The following AP2A1 variants were observed in gnomAD, a reference collection of about 807,000 sequenced individuals.
The protein encoded by AP2A1 is AP-2 complex subunit alpha-1.
In AP2A1, 21 loss-of-function variants were observed where a neutral mutation model predicts 107.3. That is an observed-to-expected ratio of 0.20 (90% CI 0.14 to 0.28). The LOEUF (loss-of-function observed/expected upper bound fraction) is 0.28. Among genes scored for constraint, AP2A1 ranks in the 10% least tolerant of loss-of-function variants. The pLI, the probability that AP2A1 is intolerant of heterozygous loss-of-function variation, is 1.00. For synonymous variants in AP2A1, 602 were observed against 564.8 expected (o/e 1.07, Z -0.93); for missense variants, 873 against 1,307.7 (o/e 0.67, Z 5.13).
At position 49,803,341 on chromosome 19, in the gene AP2A1, C is replaced by T. The variant is rs766267079; in HGVS notation, c.2309C>T (p.Ser770Leu). 4.3e-6 allele frequency: 7 copies of T among 1,613,828 alleles called. No individual in the cohort carries two copies. The East Asian group carries it at 1.6e-4, about 36-fold the overall frequency. ...ACCTCGGTGCAGTTCCAGAATTTCTCACCCACTGTGGTTCACCCGGGAGAC... is the reference window on the plus strand; with the variant it reads ...ACCTCGGTGCAGTTCCAGAATTTCTTACCCACTGTGGTTCACCCGGGAGAC... ...NKTSVQFQNF[S>L]PTVVHPGDLQ... Residue 770 changes from serine (S) to leucine (L), a missense_variant, in exon 18 of 23, where the codon TCA becomes TTA. Physicochemically the swap from Ser to Leu is moderately radical, Grantham distance 145. Around this residue, in one of 4 missense-constraint regions of AP2A1, gnomAD observed 416 missense variants for 473.4 expected, o/e 0.88. Coordinates refer to ENST00000354293, the MANE Select transcript of AP2A1 (RefSeq NM_130787.3).
intron 4 of AP2A1, among the ~76,000 whole-genome samples, chr19:49,786,449 T>C (rs1019595502): frequency 1.3e-5 from 2 of 152,250 alleles, no homozygotes; most frequent in African/African-American, 4.8e-5. Context: ...TCCAGTGCTC[T>C]GGGGGCTGTT....
At position 49,782,668 on chromosome 19, in the gene AP2A1, C is replaced by T. The variant is rs1435581150; in HGVS notation, c.417C>T (p.Gly139=). 6.2e-6 allele frequency: 10 copies of T among 1,612,336 alleles called. No homozygotes were observed. Among genetic ancestry groups the T allele is most frequent in the Non-Finnish European group, 8.5e-6 (10 of 1,179,590 alleles). Residue 139 remains glycine (G), a synonymous_variant, in exon 4 of 23, where the codon GGC becomes GGT. Coordinates refer to ENST00000354293, the MANE Select transcript of AP2A1 (RefSeq NM_130787.3). ...CCCTGCACTGCATCGCCAACGTGGG[C>T]AGCCGGGAGATGGGCGAGGCCTTTG... is the stretch of plus-strand genomic sequence containing the variant. ...CLALHCIANV[G]SREMGEAFAA...
chr19:49,806,509 T>C (rs541363610), intron 22 of AP2A1, 172 bp from the exon 23 acceptor site: 374 of 1,448,672 alleles, frequency 2.6e-4, no homozygotes, highest in Middle Eastern at 1.0e-3. Flanking sequence ...TCATCTTTTA[T>C]AATTTTCTTC....
chr19:49,801,952 G>A, intron 14 of AP2A1, 29 bp from the exon 15 acceptor site: 1 of 1,469,156 alleles, frequency 6.8e-7, no homozygotes, highest in Non-Finnish European at 9.0e-7. Flanking sequence ...GGCGCCGCCT[G>A]TCCTCACCGT....
rs577028057 is a variant in AP2A1, at chr19:49,803,713, C to G, written c.2344+337C>G. On this transcript the variant is annotated intron_variant, in intron 18 of 22. Transcript: ENST00000354293. ...GCACCGCCTGCACTCAGGAGCCAGG[C>G]CTGCGGGTCCAGACGCTGATCAGGC... 139 of 390,172 alleles carry G rather than the reference C, an allele frequency of 3.6e-4. 2 individuals are homozygous for G. Among genetic ancestry groups the G allele is most frequent in the South Asian group, 3.0e-3 (136 of 46,040 alleles). The allele number at this position is 390,172 out of a possible 1,614,324, so 24.2% of individuals were successfully genotyped here. A position where few individuals can be genotyped will look rare whatever the true frequency, so the allele number is the denominator to read the frequency against.
In AP2A1 at chr19:49,802,146, CA is replaced by C. The variant is rs1314910102; in HGVS notation, c.2114+6del. The C allele has an allele frequency of 6.4e-7, 1 of 1,553,252 alleles. No individual in the cohort carries two copies. Among genetic ancestry groups the C allele is most frequent in the Non-Finnish European group, 8.7e-7 (1 of 1,155,760 alleles). ...CCCCGAGGAGGCCTTCCTCAGGTAGCACCCCCTGGGCCCGGGCCCCTTCTCG... is the reference window on the plus strand; with the variant it reads ...CCCCGAGGAGGCCTTCCTCAGGTAGCCCCCCTGGGCCCGGGCCCCTTCTCG... On this transcript the variant is annotated splice_donor_region_variant and intron_variant, in intron 15 of 22. Coordinates refer to ENST00000354293, the MANE Select transcript of AP2A1 (RefSeq NM_130787.3).
Position 49,806,677 on chromosome 19 carries a change from C to T in AP2A1, c.2791-4C>T, listed in dbSNP as rs753572521. ...TGAGTTCTGCCCCCAATGCCCCCAC[C>T]CAGATGTACCGGCTGACCCTGCGCA... On this transcript the variant is annotated splice_polypyrimidine_tract_variant and splice_region_variant and intron_variant, in intron 22 of 22. Coordinates refer to ENST00000354293, the MANE Select transcript of AP2A1 (RefSeq NM_130787.3). 1 of 1,612,646 alleles carries T rather than the reference C, an allele frequency of 6.2e-7. No individual in the cohort carries two copies. Among genetic ancestry groups the T allele is most frequent in the Non-Finnish European group, 8.5e-7 (1 of 1,179,754 alleles).
intron 1 of AP2A1, among the ~76,000 whole-genome samples, chr19:49,773,811 G>A (rs1443306174): frequency 2.0e-5 from 3 of 152,174 alleles, no homozygotes; most frequent in Non-Finnish European, 4.4e-5. Context: ...AATGGTGCAT[G>A]CATGACTCTG....
Position 49,791,931 on chromosome 19 carries a change from A to G in AP2A1, c.474-4A>G, listed in dbSNP as rs1020706638. 6.2e-7 allele frequency: 1 copy of G among 1,605,582 alleles called. No homozygotes were observed. The highest frequency in any genetic ancestry group is 1.1e-5 in the South Asian group (1 of 90,210). ...TTCCCCTGCCCTGCATGGTGTCCCC[A>G]CAGGGACAGCATGGACAGTGTCAAG... On this transcript the variant is annotated splice_region_variant and splice_polypyrimidine_tract_variant and intron_variant, in intron 4 of 22. Coordinates refer to ENST00000354293, the MANE Select transcript of AP2A1 (RefSeq NM_130787.3).
chr19:49,772,246 G>GT lies in AP2A1; in HGVS notation c.67+5077dup, dbSNP rs71180653. On this transcript the variant is annotated intron_variant, in intron 1 of 22. Transcript: ENST00000354293. ...CAAATTTTTTTGTATTTTTCATAGA[G>GT]TTTTTTTTTTTTTTTTTTTTTTTTT... 3.1e-3 allele frequency among the ~76,000 whole-genome samples: 176 copies of GT among 56,166 alleles called. 21 individuals carry two copies. Among genetic ancestry groups the GT allele is most frequent in the Middle Eastern group, 0.016 (1 of 62 alleles). 36.8% of individuals were successfully genotyped at this position (56,166 alleles called of 152,430 possible).
intron 1 of AP2A1, among the ~76,000 whole-genome samples, chr19:49,768,917 G>A (rs886432275): frequency 2.1e-4 from 32 of 152,174 alleles, no homozygotes; most frequent in Admixed American, 1.9e-3. Flanking sequence ...GTGTTGTCCA[G>A]GCCCTGTTCT....
rs1555791851 is a variant in AP2A1 at position 49,779,511 on chromosome 19, A to AC, written c.68-2245dup. On this transcript the variant is annotated intron_variant, in intron 1 of 22. Coordinates refer to ENST00000354293, the MANE Select transcript of AP2A1 (RefSeq NM_130787.3). ...ACAAAAAAAAAAAAAAAAAAAAAAA[A>AC]CAGAAACAGGCAAAATTAATTTTAA... Among the ~76,000 whole-genome samples the AC allele has an allele frequency of 3.0e-3, 434 of 145,492 alleles. 11 individuals carry two copies. Among genetic ancestry groups the AC allele is most frequent in the African/African-American group, 0.011 (408 of 37,438 alleles).
chr19:49,788,588 C>G lies in AP2A1; in HGVS notation c.474-3347C>G, dbSNP rs113489559. On this transcript the variant is annotated intron_variant, in intron 4 of 22. Transcript: ENST00000354293. The surrounding 1 kb of genome is among the most constrained non-coding windows in gnomAD (Gnocchi z 4.5). ...GATGCGCTGTGGCTCAGGAGATGTG[C>G]GCCGTGGCAGCGATGGGAAAGTGGC... Among the ~76,000 whole-genome samples, 1 of 145,096 alleles carries G rather than the reference C, an allele frequency of 6.9e-6. No homozygotes were observed. Among genetic ancestry groups the G allele is most frequent in the East Asian group, 2.0e-4 (1 of 4,924 alleles).
chr19:49,795,893 G>A (rs988154550), intron 7 of AP2A1, among the ~76,000 whole-genome samples, 155 bp downstream of exon 7: 33 of 152,242 alleles, frequency 2.2e-4, no homozygotes, highest in Non-Finnish European at 4.3e-4. Context: ...GGCTGCACTC[G>A]GGGAGGCAAG....
intron 7 of AP2A1, chr19:49,796,670 A>G (rs2073217958): frequency 6.6e-6 from 1 of 151,852 alleles, no homozygotes; most frequent in Non-Finnish European, 1.5e-5. Context: ...CTGTGTGTGG[A>G]TGTGTCATTG....
chr19:49,769,624 T>A (rs1600211608), intron 1 of AP2A1, among the ~76,000 whole-genome samples: 1 of 150,290 alleles, frequency 6.7e-6, no homozygotes, highest in East Asian at 2.0e-4. Flanking sequence ...TGGAGGGGAG[T>A]GGGAACAGGA....
At chr19:49,804,300 G>C (rs1428103510) in intron 18 of AP2A1, 1 of 152,082 alleles carries the variant, frequency 6.6e-6, no homozygotes, top group Non-Finnish European at 1.5e-5. Flanking sequence ...CTAGCACTTT[G>C]AGTGGCCAAG....
rs769637060 is a variant in AP2A1, at chr19:49,805,862, C to T, written c.2586-10C>T. ...TCCAGGTCCCTGACTTGAACCTTCC[C>T]GGTCCCCAGCCCTCAACAGGAGGCG... On this transcript the variant is annotated splice_polypyrimidine_tract_variant and intron_variant, in intron 20 of 22. Transcript: ENST00000354293. The T allele has an allele frequency of 4.3e-6, 7 of 1,613,646 alleles. No individual in the cohort carries two copies. The Admixed American group carries it at 8.3e-5, about 19-fold the overall frequency.
intron 15 of AP2A1, chr19:49,802,482 GC>G: frequency 6.3e-7 from 1 of 1,575,632 alleles, no homozygotes; most frequent in African/African-American, 1.3e-5. Flanking sequence ...TGTGGAATTG[GC>G]TGCCTGCCAC....
Sources: gnomAD v4.1 joint callset for allele counts (sites outside exome capture counted in the v4.1 genomes callset) on GRCh38, gnomAD v4.1.1 for gene constraint, gnomAD v4.1.1 regional missense constraint, Gnocchi (gnomAD v3.1) non-coding constraint, MANE v1.5 for transcripts, NCBI Gene and HGNC (gene_info 2026-07-23, HGNC 2026-07-21) for gene names.